UBE2G1: variants seen among roughly 807,000 people sequenced by gnomAD.
UBE2G1 encodes the protein ubiquitin-conjugating enzyme E2 G1.
A neutral mutation model predicts 22.7 loss-of-function variants in UBE2G1; 5 were observed. The observed-to-expected ratio is 0.22, with a 90% CI of 0.12 to 0.46. The LOEUF is 0.46. UBE2G1 is among the 20% of genes least tolerant of loss of function. The pLI is 0.99. For synonymous variants in UBE2G1, 74 were observed against 67.5 expected, an observed-to-expected ratio of 1.10 and a Z score of -0.47; for missense variants, 88 against 203.9, an observed-to-expected ratio of 0.43 and a Z score of 3.46.
Position 4,279,788 on chromosome 17 carries a change from TATATATATATATATATATATA to T in UBE2G1, c.*37+2989_*37+3009del, listed in dbSNP as rs1567513676. Among the ~76,000 whole-genome samples the T allele has an allele frequency of 8.8e-4, 100 of 113,234 alleles. 4 individuals are homozygous for T. The highest frequency in any genetic ancestry group is 5.2e-3 in the African/African-American group (89 of 17,214). The allele number at this position is 113,234 out of a possible 152,430, so 74.3% of individuals were successfully genotyped here. A position where few individuals can be genotyped will look rare whatever the true frequency, so the allele number is the denominator to read the frequency against. On this transcript the variant is annotated intron_variant, in intron 5 of 5. Transcript: ENST00000396981. ...AAACTCTGCCCCCAAAAAAAAGTTA[TATATATATATATATATATATA>T]TATATATATATATATATATATATGA...
chr17:4,308,917 C>T (rs1969277475), intron 1 of UBE2G1, among the ~76,000 whole-genome samples: 1 of 152,152 alleles, frequency 6.6e-6, no homozygotes, highest in African/African-American at 2.4e-5. Flanking sequence ...ATTTCAACAA[C>T]TACGATTTAA....
intron 4 of UBE2G1, among the ~76,000 whole-genome samples, chr17:4,288,171 C>T (rs763088290): frequency 1.3e-4 from 20 of 152,178 alleles, no homozygotes; most frequent in Admixed American, 2.6e-4. Context: ...TTAACTAATA[C>T]ATTTTTTTCT....
At chr17:4,278,498 AT>A (rs1360357803) in intron 5 of UBE2G1, among the ~76,000 whole-genome samples, 2 of 152,228 alleles carry the variant, frequency 1.3e-5, no homozygotes, top group Non-Finnish European at 2.9e-5. Flanking sequence ...GTTGGGCTGC[AT>A]TCAAAGCTGT....
At position 4,269,357 on chromosome 17, in the gene UBE2G1, TAAATA is replaced by T. The variant is rs1968722989; in HGVS notation, c.*3192_*3196del. On this transcript the variant is annotated 3_prime_UTR_variant, in exon 6 of 6. Coordinates refer to ENST00000396981, the MANE Select transcript of UBE2G1 (RefSeq NM_003342.5). Reference sequence around the variant, plus strand: ...AACATCACAACAGAACTCACATAGTTAAATACAATCAACAAATTACAGAACTAAAA... The same window carrying T: ...AACATCACAACAGAACTCACATAGTTCAATCAACAAATTACAGAACTAAAA... 6.6e-6 allele frequency: 1 copy of T among 152,356 alleles called. No homozygotes were observed. The highest frequency in any genetic ancestry group is 1.5e-5 in the Non-Finnish European group (1 of 68,046). The allele number at this position is 152,356 out of a possible 1,614,324, so 9.4% of individuals were successfully genotyped here.
At chr17:4,340,396 T>C (rs960398126) in intron 1 of UBE2G1, among the ~76,000 whole-genome samples, 1 of 152,204 alleles carries the variant, frequency 6.6e-6, no homozygotes, top group Non-Finnish European at 1.5e-5. Context: ...GTTCCAACTC[T>C]CCTTCTAATG....
intron 1 of UBE2G1, among the ~76,000 whole-genome samples, chr17:4,337,198 G>A (rs140351828): frequency 1.6e-3 from 244 of 152,024 alleles, no homozygotes; most frequent in African/African-American, 5.4e-3. Flanking sequence ...AAAGTTAGCC[G>A]GGCATCCTGG....
chr17:4,357,737 C>A (rs1969923764), intron 1 of UBE2G1, among the ~76,000 whole-genome samples: 1 of 151,834 alleles, frequency 6.6e-6, no homozygotes, highest in African/African-American at 2.4e-5. Context: ...TAAAGAAGGA[C>A]AATCTAGCCA....
At chr17:4,325,039 T>C (rs1969487701) in intron 1 of UBE2G1, among the ~76,000 whole-genome samples, 1 of 151,610 alleles carries the variant, frequency 6.6e-6, no homozygotes, top group Admixed American at 6.6e-5. Flanking sequence ...ATCGCGCCAC[T>C]GCACTCCAGC....
At chr17:4,280,638 G>C (rs1391639513) in intron 5 of UBE2G1, among the ~76,000 whole-genome samples, 1 of 148,916 alleles carries the variant, frequency 6.7e-6, no homozygotes, top group African/African-American at 2.5e-5. Context: ...GCCCGGCTGG[G>C]AATCTTTTTT....
At chr17:4,328,672 A>G (rs1261232333) in intron 1 of UBE2G1, among the ~76,000 whole-genome samples, 1 of 152,248 alleles carries the variant, frequency 6.6e-6, no homozygotes, top group Non-Finnish European at 1.5e-5. Context: ...TTATACATTT[A>G]TTCAAACTTA....
Position 4,270,578 on chromosome 17 carries a change from T to G in UBE2G1, c.*1976A>C. 1 of 149,128 alleles carries G rather than the reference T, an allele frequency of 6.7e-6. No homozygotes were observed. Among genetic ancestry groups the G allele is most frequent in the South Asian group, 2.1e-4 (1 of 4,744 alleles). The allele number at this position is 149,128 out of a possible 1,614,324, so 9.2% of individuals were successfully genotyped here. Reference sequence around the variant, plus strand: ...AAAAAAAAAAAAAAAGTAAAAAGGATTGTATTCCAAGTCCCTGGAGGGTGT... The same window carrying G: ...AAAAAAAAAAAAAAAGTAAAAAGGAGTGTATTCCAAGTCCCTGGAGGGTGT... On this transcript the variant is annotated 3_prime_UTR_variant, in exon 6 of 6. Transcript: ENST00000396981.
intron 1 of UBE2G1, among the ~76,000 whole-genome samples, chr17:4,315,945 C>T (rs938040313): frequency 5.3e-5 from 8 of 149,944 alleles, no homozygotes; most frequent in Non-Finnish European, 1.2e-4. Flanking sequence ...GTAGCTGGGA[C>T]TACAGGCGCC....
intron 1 of UBE2G1, among the ~76,000 whole-genome samples, chr17:4,321,339 G>A (rs541532926): frequency 8.6e-6 from 1 of 116,010 alleles, no homozygotes; most frequent in South Asian, 2.4e-4. Context: ...TGCTAACACT[G>A]GGTACTTTTA....
intron 1 of UBE2G1, among the ~76,000 whole-genome samples, chr17:4,311,034 A>AC (rs1257777297): frequency 6.6e-6 from 1 of 151,638 alleles, no homozygotes; most frequent in East Asian, 1.9e-4. Context: ...AACATGGCAA[A>AC]CCCCTGTCTC....
chr17:4,362,182 G>A (rs1345084519), intron 1 of UBE2G1, among the ~76,000 whole-genome samples: 2 of 152,022 alleles, frequency 1.3e-5, no homozygotes, highest in African/African-American at 4.8e-5. Context: ...AATTGCCACC[G>A]CTCAATTTGC....
chr17:4,350,617 G>A (rs1051082090), intron 1 of UBE2G1, among the ~76,000 whole-genome samples: 15 of 152,104 alleles, frequency 9.9e-5, no homozygotes, highest in African/African-American at 3.1e-4. Flanking sequence ...CAACTTAGAC[G>A]TAATTATTTA....
At chr17:4,341,120 C>A (rs890611688) in intron 1 of UBE2G1, among the ~76,000 whole-genome samples, 1 of 151,202 alleles carries the variant, frequency 6.6e-6, no homozygotes, top group Admixed American at 6.6e-5. Context: ...AAATGAAAAG[C>A]CAGTATTTTC....
At chr17:4,337,412 G>A (rs1324887984) in intron 1 of UBE2G1, among the ~76,000 whole-genome samples, 2 of 151,942 alleles carry the variant, frequency 1.3e-5, no homozygotes, top group African/African-American at 4.8e-5. Flanking sequence ...CAGCACTTTG[G>A]GAGGTCGAGG....
At chr17:4,273,772 A>G (rs897033298) in intron 5 of UBE2G1, among the ~76,000 whole-genome samples, 1 of 152,204 alleles carries the variant, frequency 6.6e-6, no homozygotes, top group Non-Finnish European at 1.5e-5. Context: ...TTAGGACTGC[A>G]TCTTTAGGTC....
Sources: allele counts gnomAD v4.1 joint callset (sites outside exome capture counted in the v4.1 genomes callset), GRCh38; gene constraint gnomAD v4.1.1; transcripts MANE v1.5; gene names NCBI Gene and HGNC (gene_info 2026-07-23, HGNC 2026-07-21).